RORA: variants seen among roughly 807,000 people sequenced by gnomAD.
The protein encoded by RORA is nuclear receptor ROR-alpha.
Under a neutral mutation model 69.5 loss-of-function variants are expected in RORA, and 7 were observed. The ratio of observed to expected loss-of-function variants is 0.10; its 90% CI spans 0.06 to 0.19. The LOEUF (loss-of-function observed/expected upper bound fraction) is 0.19. Among genes scored for constraint, RORA ranks in the 10% least tolerant of loss-of-function variants. RORA has a pLI of 1.00. For missense variants in RORA, 457 were observed against 663.0 expected, an observed-to-expected ratio of 0.69 and a Z score of 3.41; for synonymous variants, 261 against 240.8, an observed-to-expected ratio of 1.08 and a Z score of -0.78.
At chr15:60,873,235 GTGTGTGTGTGTGTC>G (rs6145585) in intron 1 of RORA, among the ~76,000 whole-genome samples, 84,717 of 129,482 alleles carry the variant, frequency 0.65, 24,841 homozygotes, top group East Asian at 0.82. Context: ...GTGTGTGTGT[GTGTGTGTGTGTGTC>G]TGTGTGTGTG....
At chr15:60,969,882 TG>T (rs1428775329) in intron 1 of RORA, among the ~76,000 whole-genome samples, 6 of 152,200 alleles carry the variant, frequency 3.9e-5, no homozygotes, top group Non-Finnish European at 1.5e-5. Flanking sequence ...TATTTACTCA[TG>T]GGGCCTTGAA....
At chr15:60,782,180 G>A (rs926634673) in intron 1 of RORA, among the ~76,000 whole-genome samples, 29 of 152,168 alleles carry the variant, frequency 1.9e-4, no homozygotes, top group East Asian at 7.8e-4. Flanking sequence ...AGCTGAGATC[G>A]CGCCACTGCA....
intron 1 of RORA, 49 bp downstream of exon 1, chr15:61,229,004 G>T: frequency 1.8e-6 from 2 of 1,116,336 alleles, no homozygotes; most frequent in Non-Finnish European, 2.2e-6. Flanking sequence ...CCCCCGCTCC[G>T]CGCCCGGGCT....
rs1464072959 is a variant in RORA, at chr15:60,558,981, A to G, written c.197-27130T>C. ...ATACACTAAAGTGTAATAGTTGAGA[A>G]GAGTTAAATATTTTTTATTTGATAT... On this transcript the variant is annotated intron_variant, in intron 2 of 10. Coordinates refer to ENST00000335670, the MANE Select transcript of RORA (RefSeq NM_134261.3). 5.3e-5 allele frequency among the ~76,000 whole-genome samples: 8 copies of G among 152,332 alleles called. No individual in the cohort carries two copies. The East Asian group carries it at 1.5e-3, about 29-fold the overall frequency.
intron 1 of RORA, among the ~76,000 whole-genome samples, chr15:60,852,991 A>T (rs1350876747): frequency 1.3e-5 from 2 of 152,182 alleles, no homozygotes; most frequent in Non-Finnish European, 1.5e-5. Context: ...ATTGCCGGTA[A>T]TATCCTTTGT....
At chr15:60,851,201 C>A (rs554951020) in intron 1 of RORA, among the ~76,000 whole-genome samples, 2 of 152,292 alleles carry the variant, frequency 1.3e-5, no homozygotes, top group African/African-American at 4.8e-5. Context: ...CTTGACATGG[C>A]TACACGGCAA....
chr15:60,696,746 T>G (rs2070912902), intron 1 of RORA, among the ~76,000 whole-genome samples: 1 of 152,232 alleles, frequency 6.6e-6, no homozygotes, highest in Admixed American at 6.5e-5. Flanking sequence ...GCCAAAATTC[T>G]AGGAAAAGCA....
Position 61,081,051 on chromosome 15 carries a change from C to T in RORA, c.166+148002G>A, listed in dbSNP as rs1195836799. Among the ~76,000 whole-genome samples the T allele has an allele frequency of 2.6e-5, 4 of 152,218 alleles. 1 individual carries two copies. The South Asian group carries it at 8.3e-4, about 31-fold the overall frequency. ...CAATAAAGTGAAGTCACAGGGCCGA[C>T]GAATTCTCCAATCTTCAAAGTACCT... On this transcript the variant is annotated intron_variant, in intron 1 of 10. Coordinates refer to ENST00000335670, the MANE Select transcript of RORA (RefSeq NM_134261.3).
At chr15:60,928,339 T>C (rs1214077331) in intron 1 of RORA, among the ~76,000 whole-genome samples, 2 of 152,208 alleles carry the variant, frequency 1.3e-5, no homozygotes, top group Non-Finnish European at 2.9e-5. Flanking sequence ...GACTATCCTG[T>C]AACTACTTAA....
At chr15:60,828,975 G>T (rs1478539719) in intron 1 of RORA, among the ~76,000 whole-genome samples, 1 of 152,190 alleles carries the variant, frequency 6.6e-6, no homozygotes, top group African/African-American at 2.4e-5. Flanking sequence ...ATCCTGCAAA[G>T]AAGACATCAG....
At chr15:60,600,199 T>C (rs575143486) in intron 2 of RORA, among the ~76,000 whole-genome samples, 6 of 152,356 alleles carry the variant, frequency 3.9e-5, no homozygotes, top group African/African-American at 1.4e-4. Context: ...TGGTTTTCCC[T>C]ATTTTTGTCA....
At chr15:61,205,469 C>T (rs933636022) in intron 1 of RORA, among the ~76,000 whole-genome samples, 3 of 152,174 alleles carry the variant, frequency 2.0e-5, no homozygotes, top group African/African-American at 4.8e-5. Flanking sequence ...CAGGATTGCA[C>T]GCAGGAATTC....
chr15:61,006,995 A>G (rs1894930955), intron 1 of RORA, among the ~76,000 whole-genome samples: 1 of 152,026 alleles, frequency 6.6e-6, no homozygotes, highest in Admixed American at 6.6e-5. Context: ...TGTGTCTGAT[A>G]ATGCATTTGT....
intron 2 of RORA, among the ~76,000 whole-genome samples, chr15:60,647,415 T>C (rs1244927830): frequency 6.6e-6 from 1 of 152,218 alleles, no homozygotes; most frequent in African/African-American, 2.4e-5. Flanking sequence ...CTGGCCTTTC[T>C]TCTAAGTGCT....
At chr15:60,778,940 T>C (rs2072213150) in intron 1 of RORA, among the ~76,000 whole-genome samples, 1 of 152,148 alleles carries the variant, frequency 6.6e-6, no homozygotes, top group African/African-American at 2.4e-5. Context: ...ACCCCAGAAC[T>C]CAAAGTAAAA....
chr15:61,210,191 T>C (rs17204973), intron 1 of RORA, among the ~76,000 whole-genome samples: 43,263 of 152,168 alleles, frequency 0.28, 6,804 homozygotes, highest in South Asian at 0.36. Flanking sequence ...CTAACCAGCA[T>C]GTGCAGAAGC....
intron 1 of RORA, among the ~76,000 whole-genome samples, chr15:60,827,743 T>C (rs1428921243): frequency 1.3e-5 from 2 of 152,210 alleles, no homozygotes; most frequent in African/African-American, 4.8e-5. Context: ...GCCAGCTGCA[T>C]GTATGGATGT....
intron 1 of RORA, among the ~76,000 whole-genome samples, chr15:60,868,626 G>A (rs764826589): frequency 2.6e-5 from 4 of 152,058 alleles, no homozygotes; most frequent in Non-Finnish European, 5.9e-5. Context: ...GTGGCCTTTA[G>A]GCTTCCTTCC....
chr15:61,007,774 AGGC>A (rs1894956920), intron 1 of RORA, among the ~76,000 whole-genome samples: 2 of 148,182 alleles, frequency 1.3e-5, no homozygotes, highest in Non-Finnish European at 3.0e-5. Flanking sequence ...ATATAACATT[AGGC>A]TGTTATATAT....
Sources: allele counts gnomAD v4.1 joint callset (sites outside exome capture counted in the v4.1 genomes callset), GRCh38; gene constraint gnomAD v4.1.1; transcripts MANE v1.5; gene names NCBI Gene and HGNC (gene_info 2026-07-23, HGNC 2026-07-21).